Variants in PAIP2B observed in about 807,000 individuals in gnomAD.
PAIP2B encodes poly(A) binding protein interacting protein 2B.
In PAIP2B, 13 loss-of-function variants were observed where a neutral mutation model predicts 17.0. The observed-to-expected ratio is 0.76, with a 90% CI of 0.50 to 1.22. The LOEUF (loss-of-function observed/expected upper bound fraction) is 1.22. Among genes scored for constraint, PAIP2B ranks in the 50% most tolerant of loss-of-function variants. The pLI is 0.00. For synonymous variants in PAIP2B, 43 were observed against 48.7 expected (o/e 0.88, Z 0.48); for missense variants, 117 against 144.5 (o/e 0.81, Z 0.98).
rs1674575372 is a variant in PAIP2B at position 71,187,789 on chromosome 2, G to A, written c.*690C>T. Reference sequence around the variant, plus strand: ...GGTGGTGAACACAGGCTTATGAACAGGACAACAGTAACTAAATGACTCAAG... The same window carrying A: ...GGTGGTGAACACAGGCTTATGAACAAGACAACAGTAACTAAATGACTCAAG... On this transcript the variant is annotated 3_prime_UTR_variant, in exon 4 of 4. Transcript: ENST00000244221. 6.6e-6 allele frequency: 1 copy of A among 152,516 alleles called. No homozygotes were observed. Among genetic ancestry groups the A allele is most frequent in the South Asian group, 2.1e-4 (1 of 4,842 alleles). 9.4% of individuals were successfully genotyped at this position (152,516 alleles called of 1,614,324 possible).
chr2:71,212,049 A>G (rs1675315072), intron 1 of PAIP2B, among the ~76,000 whole-genome samples: 1 of 152,204 alleles, frequency 6.6e-6, no homozygotes, highest in East Asian at 1.9e-4. Flanking sequence ...TAGACTATTA[A>G]TGGGGGAAAT....
Position 71,202,481 on chromosome 2 carries a change from T to A in PAIP2B, c.109A>T (p.Met37Leu). 6.2e-7 allele frequency: 1 copy of A among 1,613,852 alleles called. No individual in the cohort carries two copies. Among genetic ancestry groups the A allele is most frequent in the Non-Finnish European group, 8.5e-7 (1 of 1,179,874 alleles). The change falls in exon 2 of 4, where the codon ATG (methionine) becomes TTG (leucine). Residue 37 changes from methionine (M) to leucine (L), a missense_variant. Transcript: ENST00000244221. ...KENPFAEYMWMENEEDFNRQV... is the reference protein window; with the variant it reads ...KENPFAEYMWLENEEDFNRQV... The stretch of plus-strand genomic sequence containing the variant: ...CTGTTGAAATCCTCTTCATTCTCCA[T>A]CCACATGTACTCTGCAAATGGGTTT...
At chr2:71,199,606 G>A (rs913307927) in intron 2 of PAIP2B, among the ~76,000 whole-genome samples, 5 of 146,910 alleles carry the variant, frequency 3.4e-5, no homozygotes, top group African/African-American at 7.6e-5. Context: ...TTACTCTGTC[G>A]CCCAGGCTGG....
chr2:71,188,372 C>G lies in PAIP2B; in HGVS notation c.*107G>C, dbSNP rs1036426172. 2.3e-6 allele frequency: 2 copies of G among 854,592 alleles called. No homozygotes were observed. Among genetic ancestry groups the G allele is most frequent in the Non-Finnish European group, 3.8e-6 (2 of 528,082 alleles). The allele number at this position is 854,592 out of a possible 1,614,324, so 52.9% of individuals were successfully genotyped here. On this transcript the variant is annotated 3_prime_UTR_variant, in exon 4 of 4. Transcript: ENST00000244221. ...ATTGTGAGACCACCACTCCCCTTCC[C>G]GCTGTGCACCCCTCGCCCGCCCCAT...
chr2:71,214,526 G>C (rs373990754), intron 1 of PAIP2B, among the ~76,000 whole-genome samples: 3 of 152,116 alleles, frequency 2.0e-5, no homozygotes, highest in South Asian at 4.1e-4. Context: ...CCTCCAAATA[G>C]GTCTACAATC....
intron 1 of PAIP2B, among the ~76,000 whole-genome samples, chr2:71,220,231 G>A (rs1387925061): frequency 1.3e-5 from 2 of 152,150 alleles, no homozygotes; most frequent in Non-Finnish European, 2.9e-5. Context: ...TGAAATATTA[G>A]CCCCTTTTTC....
At chr2:71,221,953 A>T (rs1168821243) in intron 1 of PAIP2B, among the ~76,000 whole-genome samples, 1 of 152,244 alleles carries the variant, frequency 6.6e-6, no homozygotes, top group East Asian at 1.9e-4. Context: ...GATAGCCCAG[A>T]AACGGAACAT....
At chr2:71,203,620 C>G (rs1675043970) in intron 1 of PAIP2B, among the ~76,000 whole-genome samples, 2 of 151,788 alleles carry the variant, frequency 1.3e-5, no homozygotes, top group African/African-American at 4.8e-5. Context: ...ATTTATATTT[C>G]TTATTCTGTA....
At chr2:71,188,668 T>C (rs1170094066) in intron 3 of PAIP2B, 133 bp from the exon 4 acceptor site, 1 of 741,724 alleles carries the variant, frequency 1.3e-6, no homozygotes, top group African/African-American at 1.8e-5. Flanking sequence ...AGGCTGTTAT[T>C]GCTAGGTTAT....
At position 71,188,400 on chromosome 2, in the gene PAIP2B, C is replaced by T. The variant is rs1007892782; in HGVS notation, c.*79G>A. The T allele has an allele frequency of 1.7e-5, 22 of 1,327,012 alleles. No individual in the cohort carries two copies. The South Asian group carries it at 2.0e-4, about 12-fold the overall frequency. The allele number at this position is 1,327,012 out of a possible 1,614,324, so 82.2% of individuals were successfully genotyped here. On this transcript the variant is annotated 3_prime_UTR_variant, in exon 4 of 4. Transcript: ENST00000244221. ...TGTGCACCCCTCGCCCGCCCCATCC[C>T]CCTCTTCAGCTCCACCATTTTGTGC...
chr2:71,210,905 A>G (rs1304361448), intron 1 of PAIP2B, among the ~76,000 whole-genome samples: 1 of 152,204 alleles, frequency 6.6e-6, no homozygotes, highest in Non-Finnish European at 1.5e-5. Flanking sequence ...TAGTCCCTGG[A>G]CCAGACCCAA....
Position 71,184,109 on chromosome 2 carries a change from T to TAAGA in PAIP2B, c.*4366_*4369dup, listed in dbSNP as rs1211792839. 6.6e-6 allele frequency: 1 copy of TAAGA among 152,234 alleles called. No homozygotes were observed. Among genetic ancestry groups the TAAGA allele is most frequent in the African/African-American group, 2.4e-5 (1 of 41,452 alleles). 9.4% of individuals were successfully genotyped at this position (152,234 alleles called of 1,614,324 possible). A position where few individuals can be genotyped will look rare whatever the true frequency, so the allele number is the denominator to read the frequency against. On this transcript the variant is annotated 3_prime_UTR_variant, in exon 4 of 4. Transcript: ENST00000244221. ...TAACTGTACACTAGTACAATGTTTT[T>TAAGA]AAGATTTTATCTCATTTTTGTCATA...
At chr2:71,204,912 A>G (rs1418877307) in intron 1 of PAIP2B, among the ~76,000 whole-genome samples, 3 of 152,170 alleles carry the variant, frequency 2.0e-5, no homozygotes, top group Non-Finnish European at 4.4e-5. Context: ...TAGCACACTG[A>G]TTTCTCACCA....
intron 2 of PAIP2B, among the ~76,000 whole-genome samples, chr2:71,195,519 T>C (rs971139038): frequency 1.3e-5 from 2 of 152,198 alleles, no homozygotes; most frequent in African/African-American, 4.8e-5. Flanking sequence ...GTGCTTGTAG[T>C]AGTTTTTGAT....
chr2:71,197,452 T>C (rs1195030385), intron 2 of PAIP2B, among the ~76,000 whole-genome samples: 1 of 152,194 alleles, frequency 6.6e-6, no homozygotes, highest in East Asian at 1.9e-4. Context: ...TAATATTCTT[T>C]CATTTTGACC....
chr2:71,205,153 T>G (rs1188932964), intron 1 of PAIP2B, among the ~76,000 whole-genome samples: 2 of 152,134 alleles, frequency 1.3e-5, no homozygotes, highest in East Asian at 3.8e-4. Flanking sequence ...GAGTGGGGAA[T>G]TACCATAAAA....
At chr2:71,226,422 C>T (rs1169772373) in intron 1 of PAIP2B, among the ~76,000 whole-genome samples, 1 of 152,038 alleles carries the variant, frequency 6.6e-6, no homozygotes, top group Non-Finnish European at 1.5e-5. Flanking sequence ...GGGCTGGAGT[C>T]AAGGGGGAGA....
At chr2:71,226,065 C>T (rs143215090) in intron 1 of PAIP2B, among the ~76,000 whole-genome samples, 1 of 152,332 alleles carries the variant, frequency 6.6e-6, no homozygotes, top group African/African-American at 2.4e-5. Flanking sequence ...TCCCTTGCTT[C>T]TAGTTAGCCC....
At chr2:71,223,365 C>T (rs1024459412) in intron 1 of PAIP2B, among the ~76,000 whole-genome samples, 1 of 151,020 alleles carries the variant, frequency 6.6e-6, no homozygotes, top group Non-Finnish European at 1.5e-5. Context: ...GAGCTGAAAT[C>T]GTGCCATTGC....
Sources: gnomAD v4.1 joint callset for allele counts (sites outside exome capture counted in the v4.1 genomes callset) on GRCh38, gnomAD v4.1.1 for gene constraint, MANE v1.5 for transcripts, NCBI Gene and HGNC (gene_info 2026-07-23, HGNC 2026-07-21) for gene names.